MICU1: variants seen among roughly 807,000 people sequenced by gnomAD.
MICU1 encodes the protein mitochondrial calcium uptake 1.
Under a neutral mutation model 56.8 loss-of-function variants are expected in MICU1, and 45 were observed. That is an observed-to-expected ratio of 0.79 (90% CI 0.62 to 1.02). MICU1 has a LOEUF of 1.02. Among genes scored for constraint, MICU1 ranks in the 50% least tolerant of loss-of-function variants. The pLI is 0.00. For missense variants in MICU1, 504 were observed against 587.1 expected (o/e 0.86, Z 1.46); for synonymous variants, 186 against 195.1 (o/e 0.95, Z 0.39).
intron 5 of MICU1, among the ~76,000 whole-genome samples, chr10:72,514,435 G>T (rs1867583209): frequency 6.6e-6 from 1 of 151,718 alleles, no homozygotes; most frequent in African/African-American, 2.4e-5. Flanking sequence ...ATTATAATGT[G>T]GTAACTCTCG....
At chr10:72,565,310 T>C (rs2132472279) in intron 2 of MICU1, among the ~76,000 whole-genome samples, 1 of 152,048 alleles carries the variant, frequency 6.6e-6, no homozygotes, top group Middle Eastern at 3.4e-3. Context: ...TATGCAGCCA[T>C]AAAACATGAT....
intron 1 of MICU1, among the ~76,000 whole-genome samples, chr10:72,610,782 G>C (rs561075307): frequency 6.6e-6 from 1 of 152,330 alleles, no homozygotes; most frequent in East Asian, 1.9e-4. Flanking sequence ...GCTTACAAAA[G>C]GCAGCCTCTT....
intron 11 of MICU1, among the ~76,000 whole-genome samples, chr10:72,372,684 C>CA (rs971151120): frequency 1.1e-4 from 17 of 151,160 alleles, no homozygotes; most frequent in African/African-American, 3.9e-4. Flanking sequence ...ACTAAAAATA[C>CA]AAAAAAAATT....
intron 10 of MICU1, among the ~76,000 whole-genome samples, chr10:72,382,431 A>C (rs1862746933): frequency 2.0e-5 from 3 of 151,880 alleles, no homozygotes. Context: ...ATTCTAAGGG[A>C]GAAAAGAGAC....
At chr10:72,603,832 C>CA (rs1325653519) in intron 1 of MICU1, among the ~76,000 whole-genome samples, 7 of 151,834 alleles carry the variant, frequency 4.6e-5, no homozygotes, top group Non-Finnish European at 7.4e-5. Context: ...AACAAACAAA[C>CA]AAAAAAACAC....
chr10:72,535,876 G>C lies in MICU1; in HGVS notation c.494-2087C>G, dbSNP rs80228072. 2.0e-5 allele frequency among the ~76,000 whole-genome samples: 3 copies of C among 152,198 alleles called. No individual in the cohort carries two copies. The East Asian group carries it at 5.8e-4, about 29-fold the overall frequency. ...TTTTCTAACAGCCATCTTTAAAAAG[G>C]TAGAAAGGAAGAAATTCTGTCATTT... On this transcript the variant is annotated intron_variant, in intron 4 of 11. Transcript: ENST00000361114.
intron 1 of MICU1, among the ~76,000 whole-genome samples, chr10:72,574,284 C>T (rs2132492679): frequency 6.6e-6 from 1 of 152,270 alleles, no homozygotes. Context: ...ATCTCAAGTA[C>T]TTTGGGAGGC....
At position 72,566,523 on chromosome 10, in the gene MICU1, G is replaced by A. The variant is rs190796545; in HGVS notation, c.161+110C>T. The A allele has an allele frequency of 1.4e-4, 159 of 1,128,458 alleles. 4 individuals are homozygous for A. The Middle Eastern group carries it at 4.6e-3, about 33-fold the overall frequency. 69.9% of individuals were successfully genotyped at this position (1,128,458 alleles called of 1,614,324 possible). On this transcript the variant is annotated intron_variant, in intron 2 of 11. Coordinates refer to ENST00000361114, the MANE Select transcript of MICU1 (RefSeq NM_001195518.2). ...ATATTAACAATACCAAATGATCCGA[G>A]CAAGAAATTCTGATACAGAGTTAAG...
chr10:72,446,746 A>T (rs1865118105), intron 8 of MICU1, among the ~76,000 whole-genome samples: 1 of 152,184 alleles, frequency 6.6e-6, no homozygotes. Flanking sequence ...TAGTGTCTCA[A>T]ACCAATGTTT....
At chr10:72,575,423 T>C (rs1564942906) in intron 1 of MICU1, among the ~76,000 whole-genome samples, 1 of 152,224 alleles carries the variant, frequency 6.6e-6, no homozygotes, top group Non-Finnish European at 1.5e-5. Flanking sequence ...AAAGAGTAAG[T>C]CTTCTTCAAA....
At chr10:72,457,447 T>C (rs1865508662) in intron 8 of MICU1, among the ~76,000 whole-genome samples, 1 of 151,104 alleles carries the variant, frequency 6.6e-6, no homozygotes, top group African/African-American at 2.4e-5. Flanking sequence ...TCTCGAACTC[T>C]ATAGACTCAA....
intron 6 of MICU1, among the ~76,000 whole-genome samples, chr10:72,477,930 G>C (rs1038135505): frequency 2.0e-5 from 3 of 147,708 alleles, no homozygotes; most frequent in Non-Finnish European, 4.5e-5. Flanking sequence ...GTGCAGTAGT[G>C]CCATCTTGGC....
chr10:72,475,827 T>A (rs540472014), intron 7 of MICU1: 9 of 456,446 alleles, frequency 2.0e-5, no homozygotes, highest in Non-Finnish European at 4.0e-5. Context: ...GGCTGGTAAG[T>A]AGCAGAATTA....
intron 3 of MICU1, among the ~76,000 whole-genome samples, chr10:72,556,534 T>C (rs1840163364): frequency 6.6e-6 from 1 of 151,794 alleles, no homozygotes; most frequent in Non-Finnish European, 1.5e-5. Flanking sequence ...GAGATGGGAT[T>C]TCACAGGTTG....
intron 10 of MICU1, among the ~76,000 whole-genome samples, chr10:72,384,888 C>T (rs1862835590): frequency 6.6e-6 from 1 of 152,076 alleles, no homozygotes; most frequent in African/African-American, 2.4e-5. Flanking sequence ...AGCTTGCCTC[C>T]CACAAACTTT....
chr10:72,500,188 T>C (rs972393633), intron 6 of MICU1, among the ~76,000 whole-genome samples: 1 of 148,766 alleles, frequency 6.7e-6, no homozygotes, highest in Non-Finnish European at 1.5e-5. Flanking sequence ...ATTTTTCTGG[T>C]AGCTTTTCAA....
chr10:72,484,933 G>C (rs1866417944), intron 6 of MICU1, among the ~76,000 whole-genome samples: 1 of 52,944 alleles, frequency 1.9e-5, no homozygotes, highest in Non-Finnish European at 1.3e-4. Flanking sequence ...AACTATGGTT[G>C]GTAACCTGCT....
intron 3 of MICU1, 23 bp from the exon 4 acceptor site, chr10:72,551,364 T>C (rs1589332957): frequency 1.9e-6 from 3 of 1,580,262 alleles, no homozygotes; most frequent in Non-Finnish European, 2.6e-6. Context: ...ATTTAGAAAG[T>C]GTTACTATAT....
intron 6 of MICU1, among the ~76,000 whole-genome samples, chr10:72,482,371 G>A (rs1866327463): frequency 1.3e-5 from 2 of 152,194 alleles, no homozygotes; most frequent in South Asian, 2.1e-4. Flanking sequence ...ATTCTTACCT[G>A]TCCCATTCCT....
Sources: gnomAD v4.1 joint callset for allele counts (sites outside exome capture counted in the v4.1 genomes callset) on GRCh38, gnomAD v4.1.1 for gene constraint, MANE v1.5 for transcripts, NCBI Gene and HGNC (gene_info 2026-07-23, HGNC 2026-07-21) for gene names.